Variants in RINT1 observed in about 807,000 individuals in gnomAD.
RINT1 encodes RAD50-interacting protein 1.
RINT1 carries 75 observed loss-of-function variants against 97.7 expected under a neutral mutation model. The observed-to-expected ratio is 0.77, with a 90% CI of 0.64 to 0.93. The LOEUF (loss-of-function observed/expected upper bound fraction) is 0.93. RINT1 is among the 40% of genes least tolerant of loss of function. The pLI, the probability that RINT1 is intolerant of heterozygous loss-of-function variation, is 0.00. For synonymous variants in RINT1, 303 were observed against 326.3 expected, an observed-to-expected ratio of 0.93 and a Z score of 0.77; for missense variants, 892 against 925.2, an observed-to-expected ratio of 0.96 and a Z score of 0.47.
chr7:105,537,726 C>T (rs1790304229), intron 3 of RINT1, among the ~76,000 whole-genome samples: 1 of 151,504 alleles, frequency 6.6e-6, no homozygotes, highest in South Asian at 2.1e-4. Context: ...ATCCCAGCTA[C>T]TCGGGAGGCT....
chr7:105,539,751 G>C (rs1182292582), intron 3 of RINT1, among the ~76,000 whole-genome samples: 1 of 152,120 alleles, frequency 6.6e-6, no homozygotes, highest in Non-Finnish European at 1.5e-5. Flanking sequence ...TCTTACTTCA[G>C]ACTTACTGTA....
rs750384402 is a variant in RINT1 at position 105,547,017 on chromosome 7, ATCT to A, written c.628_630del (p.Leu210del). 1 of 1,613,982 alleles carries A rather than the reference ATCT, an allele frequency of 6.2e-7. No homozygotes were observed. Among genetic ancestry groups the A allele is most frequent in the Non-Finnish European group, 8.5e-7 (1 of 1,179,892 alleles). ...AAACTTCAGGAATCATCTTGTACTC[ATCT>A]TCTTGGTTTCATGAGAGCCACAGTT... On this transcript the variant is annotated inframe_deletion, in exon 5 of 15. Transcript: ENST00000257700.
chr7:105,546,064 G>A (rs1023940833), intron 4 of RINT1, among the ~76,000 whole-genome samples: 7 of 152,036 alleles, frequency 4.6e-5, no homozygotes, highest in Non-Finnish European at 7.4e-5. Flanking sequence ...CCTGACCTCC[G>A]GAGATCCACC....
chr7:105,556,171 A>G (rs1791173593), intron 11 of RINT1, among the ~76,000 whole-genome samples: 1 of 149,980 alleles, frequency 6.7e-6, no homozygotes, highest in Non-Finnish European at 1.5e-5. Flanking sequence ...GGTTCAAGGG[A>G]TTATCCTGCC....
chr7:105,535,606 G>A (rs1312261571), intron 2 of RINT1: 3 of 454,392 alleles, frequency 6.6e-6, no homozygotes, highest in South Asian at 3.1e-5. Flanking sequence ...AGGCTGGAAT[G>A]TAGTAGTGAG....
At chr7:105,549,127 A>G (rs748192453) in intron 7 of RINT1, among the ~76,000 whole-genome samples, 4 of 151,480 alleles carry the variant, frequency 2.6e-5, no homozygotes, top group Non-Finnish European at 5.9e-5. Context: ...AGCTGGGACT[A>G]CAGGCACATG....
intron 11 of RINT1, among the ~76,000 whole-genome samples, chr7:105,562,836 G>A (rs2133457783): frequency 6.6e-6 from 1 of 152,266 alleles, no homozygotes; most frequent in East Asian, 1.9e-4. Flanking sequence ...CCGGGAGGCG[G>A]AGACTGCAGT....
chr7:105,542,310 G>GA, intron 3 of RINT1, 98 bp from the exon 4 acceptor site: 2 of 891,202 alleles, frequency 2.2e-6, no homozygotes, highest in South Asian at 3.4e-5. Context: ...ACTCCAGCCT[G>GA]GGCAACAGCG....
chr7:105,551,244 G>A (rs541817111), intron 9 of RINT1, among the ~76,000 whole-genome samples: 1 of 152,218 alleles, frequency 6.6e-6, no homozygotes, highest in Non-Finnish European at 1.5e-5. Flanking sequence ...TTTTGCCCAA[G>A]CTGGTTGTGA....
In RINT1 at chr7:105,536,570, A is replaced by T; in HGVS notation, c.94A>T (p.Ile32Leu). 2 of 1,586,668 alleles carry T rather than the reference A, an allele frequency of 1.3e-6. No individual in the cohort carries two copies. Among genetic ancestry groups the T allele is most frequent in the Non-Finnish European group, 8.6e-7 (1 of 1,165,982 alleles). ...ERKNLEEKSD[I>L]NVTVLIGSKQ... ...TTGTTATTCTTTTGTTGTAGGTGAC[A>T]TAAATGTTACAGTTCTTATTGGAAG... Residue 32 changes from isoleucine (I) to leucine (L), a missense_variant, in exon 3 of 15, where the codon ATA becomes TTA. Ile to Leu is a conservative substitution (Grantham distance 5). Transcript: ENST00000257700.
intron 11 of RINT1, 26 bp from the exon 12 acceptor site, chr7:105,563,707 A>C: frequency 6.4e-7 from 1 of 1,556,762 alleles, no homozygotes; most frequent in South Asian, 1.1e-5. Flanking sequence ...AAGTATGCTA[A>C]TGTGTTAACA....
At position 105,547,236 on chromosome 7, in the gene RINT1, C is replaced by G. The variant is rs139596022; in HGVS notation, c.742C>G (p.Gln248Glu). The change falls in exon 6 of 15, where the codon CAA becomes GAA. Residue 248 changes from glutamine to glutamate, a missense_variant. Coordinates refer to ENST00000257700, the MANE Select transcript of RINT1 (RefSeq NM_021930.6). ...QLHWPFIAPP[Q>E]SQTVGLSRPA... ...TCATTGGCCATTCATCGCACCCCCTCAATCACAAACTGTTGGCTTAAGTCG... is the reference window on the plus strand; with the variant it reads ...TCATTGGCCATTCATCGCACCCCCTGAATCACAAACTGTTGGCTTAAGTCG... The G allele has an allele frequency of 6.2e-7, 1 of 1,614,090 alleles. No individual in the cohort carries two copies. Among genetic ancestry groups the G allele is most frequent in the African/African-American group, 1.3e-5 (1 of 74,932 alleles).
Position 105,563,934 on chromosome 7 carries a change from T to A in RINT1, c.1873T>A (p.Tyr625Asn), listed in dbSNP as rs1339936280. ...AGAAGTTAAAGATGCTGCAAAATTGTATAAAAAAGAAAGGTATGTCCTCTA... is the reference window on the plus strand; with the variant it reads ...AGAAGTTAAAGATGCTGCAAAATTGAATAAAAAAGAAAGGTATGTCCTCTA... ...FREVKDAAKL[Y>N]KKERWLSLPS... Residue 625 changes from tyrosine to asparagine, a missense_variant, in exon 12 of 15, where the codon TAT becomes AAT. Transcript: ENST00000257700. 6.2e-7 allele frequency: 1 copy of A among 1,613,488 alleles called. No individual in the cohort carries two copies. The highest frequency in any genetic ancestry group is 1.1e-5 in the South Asian group (1 of 91,042).
intron 6 of RINT1, among the ~76,000 whole-genome samples, chr7:105,547,729 T>C (rs1562848059): frequency 6.7e-6 from 1 of 149,872 alleles, no homozygotes; most frequent in Non-Finnish European, 1.5e-5. Context: ...TTTTTTTTTT[T>C]TTTTTTTGAG....
chr7:105,561,145 GTTAATTTTGGAAAAATAAAA>G (rs978724144), intron 11 of RINT1, among the ~76,000 whole-genome samples: 8 of 151,114 alleles, frequency 5.3e-5, no homozygotes, highest in Non-Finnish European at 7.4e-5. Context: ...TTAGTCCTCT[GTTAATTTTGGAAAAATAAAA>G]TTTCAGACCT....
chr7:105,536,472 T>C (rs1358041196), intron 2 of RINT1, 93 bp from the exon 3 acceptor site: 1 of 946,696 alleles, frequency 1.1e-6, no homozygotes, highest in Non-Finnish European at 1.5e-6. Context: ...TTATTAACTT[T>C]TGAAGGCAGA....
At chr7:105,545,064 C>T (rs1254559075) in intron 4 of RINT1, among the ~76,000 whole-genome samples, 1 of 152,048 alleles carries the variant, frequency 6.6e-6, no homozygotes, top group African/African-American at 2.4e-5. Context: ...AGCACTATCA[C>T]TCTGAGTGAA....
rs2133348799 is a variant in RINT1, at chr7:105,532,817, C to A, written c.43-7C>A. 6.2e-7 allele frequency: 1 copy of A among 1,614,086 alleles called. No individual in the cohort carries two copies. The highest frequency in any genetic ancestry group is 8.5e-7 in the Non-Finnish European group (1 of 1,179,936). On this transcript the variant is annotated splice_region_variant and splice_polypyrimidine_tract_variant and intron_variant, in intron 1 of 14. Transcript: ENST00000257700. ...TAATGTGCTTGTCACATCTGTTCTTCTTCTAGTGCTGCTCTGAAAGTGGTG... is the reference window on the plus strand; with the variant it reads ...TAATGTGCTTGTCACATCTGTTCTTATTCTAGTGCTGCTCTGAAAGTGGTG...
chr7:105,566,115 C>A (rs924859716), intron 14 of RINT1, among the ~76,000 whole-genome samples: 12 of 147,772 alleles, frequency 8.1e-5, no homozygotes, highest in African/African-American at 2.7e-4. Context: ...CTAAAAATAC[C>A]AAAAAAAAAA....
Sources: allele counts gnomAD v4.1 joint callset (sites outside exome capture counted in the v4.1 genomes callset), GRCh38; gene constraint gnomAD v4.1.1; transcripts MANE v1.5; gene names NCBI Gene and HGNC (gene_info 2026-07-23, HGNC 2026-07-21).